RPH3A: variants seen among roughly 807,000 people sequenced by gnomAD.
The protein encoded by RPH3A is rabphilin-3A.
A neutral mutation model predicts 102.2 loss-of-function variants in RPH3A; 48 were observed. The ratio of observed to expected loss-of-function variants is 0.47; its 90% CI spans 0.37 to 0.60. The LOEUF (loss-of-function observed/expected upper bound fraction) is 0.60, where lower values mean the gene tolerates loss of function less well. Among genes scored for constraint, RPH3A ranks in the 20% least tolerant of loss-of-function variants. The probability of loss-of-function intolerance (pLI) is 0.00; values close to 1 mark genes in which losing one functional copy is unlikely to be tolerated. For synonymous variants in RPH3A, 310 were observed against 324.3 expected (o/e 0.96, Z 0.47); for missense variants, 781 against 910.1 (o/e 0.86, Z 1.83).
At chr12:112,640,325 CAAAAAAAAAAAAAAAAAAAAAA>C (rs1158230534) in intron 1 of RPH3A, among the ~76,000 whole-genome samples, 4,244 of 13,964 alleles carry the variant, frequency 0.3, 274 homozygotes, top group South Asian at 0.41. Context: ...AACTCCATCT[CAAAAAAAAAAAAAAAAAAAAAA>C]AAAAAAAAAA....
intron 1 of RPH3A, among the ~76,000 whole-genome samples, chr12:112,614,233 T>C (rs181019669): frequency 3.3e-5 from 5 of 152,298 alleles, no homozygotes; most frequent in African/African-American, 1.2e-4. Flanking sequence ...TGTGGCAATT[T>C]GTCACAGCAG....
intron 1 of RPH3A, among the ~76,000 whole-genome samples, chr12:112,598,538 C>T (rs1286331908): frequency 6.6e-6 from 1 of 152,060 alleles, no homozygotes; most frequent in East Asian, 1.9e-4. Context: ...CTAGACAGAC[C>T]ACCGCCTTTT....
intron 1 of RPH3A, among the ~76,000 whole-genome samples, chr12:112,589,551 C>T (rs1264155999): frequency 6.6e-6 from 1 of 152,198 alleles, no homozygotes; most frequent in African/African-American, 2.4e-5. Flanking sequence ...CTTCAATTCT[C>T]AACATACATG....
At chr12:112,873,640 GA>G (rs2136232817) in intron 10 of RPH3A, among the ~76,000 whole-genome samples, 1 of 152,310 alleles carries the variant, frequency 6.6e-6, no homozygotes, top group Admixed American at 6.5e-5. Context: ...GATAGATTTG[GA>G]CAGAAGTCCT....
chr12:112,688,063 G>T (rs1172952945), intron 1 of RPH3A, among the ~76,000 whole-genome samples: 1 of 152,130 alleles, frequency 6.6e-6, no homozygotes, highest in Non-Finnish European at 1.5e-5. Context: ...AAAATATTTA[G>T]CAGGATGTAA....
intron 14 of RPH3A, among the ~76,000 whole-genome samples, chr12:112,881,555 C>T (rs2042912089): frequency 6.6e-6 from 1 of 152,230 alleles, no homozygotes; most frequent in Non-Finnish European, 1.5e-5. Context: ...TGCCTAAGGT[C>T]ACATAGCCAG....
chr12:112,713,615 G>A (rs181111281), intron 1 of RPH3A, among the ~76,000 whole-genome samples: 1 of 151,600 alleles, frequency 6.6e-6, no homozygotes, highest in African/African-American at 2.4e-5. Flanking sequence ...TGGCTGTTTT[G>A]AGACTCATGC....
intron 1 of RPH3A, among the ~76,000 whole-genome samples, chr12:112,595,595 C>T (rs757535372): frequency 6.6e-6 from 1 of 152,112 alleles, no homozygotes; most frequent in Non-Finnish European, 1.5e-5. Flanking sequence ...TTCACCCACC[C>T]ACGCAGGACC....
chr12:112,599,538 G>A (rs1321865542), intron 1 of RPH3A, among the ~76,000 whole-genome samples: 1 of 152,158 alleles, frequency 6.6e-6, no homozygotes, highest in Non-Finnish European at 1.5e-5. Context: ...ACAGGCTACT[G>A]ATTGCAATTT....
intron 1 of RPH3A, among the ~76,000 whole-genome samples, chr12:112,731,299 G>T (rs1173883421): frequency 6.6e-6 from 1 of 152,106 alleles, no homozygotes; most frequent in East Asian, 1.9e-4. Flanking sequence ...ACACGTATAA[G>T]TTTCCATTCT....
At chr12:112,895,451 T>G (rs2136275358) in intron 20 of RPH3A, 2 of 227,214 alleles carry the variant, frequency 8.8e-6, no homozygotes, top group Non-Finnish European at 1.8e-5. Flanking sequence ...TGCCCCTTCA[T>G]AAACTACCAG....
chr12:112,759,021 C>T (rs1296779983), intron 1 of RPH3A, among the ~76,000 whole-genome samples: 2 of 152,142 alleles, frequency 1.3e-5, no homozygotes, highest in Admixed American at 6.5e-5. Context: ...AACTTGTGGT[C>T]ACTGGAAATA....
At chr12:112,720,981 C>T (rs531448720) in intron 1 of RPH3A, among the ~76,000 whole-genome samples, 11 of 152,276 alleles carry the variant, frequency 7.2e-5, no homozygotes, top group African/African-American at 2.6e-4. Context: ...ACCTTTGCTC[C>T]TCCATTTACT....
chr12:112,789,427 A>G (rs1391846563), upstream of RPH3A, among the ~76,000 whole-genome samples: 1 of 152,220 alleles, frequency 6.6e-6, no homozygotes, highest in South Asian at 2.1e-4. Context: ...TGCATTTGAA[A>G]TGAACTCTGA....
At chr12:112,655,762 G>A (rs971871520) in intron 1 of RPH3A, among the ~76,000 whole-genome samples, 2 of 151,508 alleles carry the variant, frequency 1.3e-5, no homozygotes, top group African/African-American at 2.4e-5. Context: ...TAGTAGAGAC[G>A]GGGTTTTGCC....
chr12:112,848,930 C>G (rs780039211), intron 5 of RPH3A, among the ~76,000 whole-genome samples: 1 of 152,070 alleles, frequency 6.6e-6, no homozygotes, highest in African/African-American at 2.4e-5. Context: ...TACAGAGAGG[C>G]CACTGGAGTG....
At chr12:112,802,640 A>G (rs1282012109) in intron 2 of RPH3A, among the ~76,000 whole-genome samples, 1 of 151,962 alleles carries the variant, frequency 6.6e-6, no homozygotes, top group Non-Finnish European at 1.5e-5. Context: ...GTGAGTGCAC[A>G]TGTGTGTGTT....
chr12:112,896,852 A>C lies in RPH3A; in HGVS notation c.*72A>C. The C allele has an allele frequency of 3.2e-6, 5 of 1,566,202 alleles. No individual in the cohort carries two copies. Among genetic ancestry groups the C allele is most frequent in the Non-Finnish European group, 4.4e-6 (5 of 1,144,916 alleles). Reference sequence around the variant, plus strand: ...TGCTCTAGCTGCCCACCGCACCCTGATCTCTCTTCTCTATGCCTACCTCCC... The same window carrying C: ...TGCTCTAGCTGCCCACCGCACCCTGCTCTCTCTTCTCTATGCCTACCTCCC... On this transcript the variant is annotated 3_prime_UTR_variant, in exon 22 of 22. Coordinates refer to ENST00000389385, the MANE Select transcript of RPH3A (RefSeq NM_001143854.2).
chr12:112,610,380 G>A (rs1225624257), intron 1 of RPH3A, among the ~76,000 whole-genome samples: 1 of 151,708 alleles, frequency 6.6e-6, no homozygotes, highest in Non-Finnish European at 1.5e-5. Flanking sequence ...GTAGGCGCCT[G>A]TAATTCCAGC....
Sources: allele counts gnomAD v4.1 joint callset (sites outside exome capture counted in the v4.1 genomes callset), GRCh38; gene constraint gnomAD v4.1.1; transcripts MANE v1.5; gene names NCBI Gene and HGNC (gene_info 2026-07-23, HGNC 2026-07-21).